CTXND1: variants seen among roughly 807,000 people sequenced by gnomAD.
CTXND1 encodes cortexin domain-containing 1 protein.
intron 1 of CTXND1, among the ~76,000 whole-genome samples, chr15:80,226,726 G>A (rs1893376072): frequency 6.6e-6 from 1 of 152,186 alleles, no homozygotes; most frequent in Non-Finnish European, 1.5e-5. Flanking sequence ...ATCAACCTTT[G>A]ACATGAGAGT....
At chr15:80,231,890 G>C (rs1409055561) in intron 1 of CTXND1, among the ~76,000 whole-genome samples, 1 of 152,140 alleles carries the variant, frequency 6.6e-6, no homozygotes, top group South Asian at 2.1e-4. Context: ...TTCCATTCAC[G>C]GTATTGTTTA....
In CTXND1 at chr15:80,236,554, G is replaced by A. The variant is rs138641942; in HGVS notation, c.-218+15453C>T. 1.7e-3 allele frequency among the ~76,000 whole-genome samples: 254 copies of A among 151,728 alleles called. 1 individual carries two copies. The highest frequency in any genetic ancestry group is 0.01 in the Middle Eastern group (3 of 292). On this transcript the variant is annotated intron_variant, in intron 1 of 2. Transcript: ENST00000560778. Reference sequence around the variant, plus strand: ...TCCCAGCACTTTGGGAGGCTGAGGCGGGTGGATCACCTGAGGTCAGGAGAT... The same window carrying A: ...TCCCAGCACTTTGGGAGGCTGAGGCAGGTGGATCACCTGAGGTCAGGAGAT...
rs967840697 is a variant in CTXND1, at chr15:80,197,611, G to A, written c.*4159C>T. 1 of 152,268 alleles carries A rather than the reference G, an allele frequency of 6.6e-6. No homozygotes were observed. The highest frequency in any genetic ancestry group is 1.5e-5 in the Non-Finnish European group (1 of 68,076). 9.4% of individuals were successfully genotyped at this position (152,268 alleles called of 1,614,324 possible). A position where few individuals can be genotyped will look rare whatever the true frequency, so the allele number is the denominator to read the frequency against. On this transcript the variant is annotated 3_prime_UTR_variant, in exon 3 of 3. Coordinates refer to ENST00000560778, the MANE Select transcript of CTXND1 (RefSeq NM_001352888.2). Reference sequence around the variant, plus strand: ...GTGTCCCTCTGGACACAGGCAACCTGTCTTTGTGCTATGATTGGACAGAAT... The same window carrying A: ...GTGTCCCTCTGGACACAGGCAACCTATCTTTGTGCTATGATTGGACAGAAT...
rs1352629648 is a variant in CTXND1, at chr15:80,229,751, T to G, written c.-218+22256A>C. ...AAAGCTGAAAAAGCCATTCTTTCTT[T>G]TTGCAGTCCTGGTATAGCGTGCTTT... On this transcript the variant is annotated intron_variant, in intron 1 of 2. Transcript: ENST00000560778. 1.3e-5 allele frequency among the ~76,000 whole-genome samples: 2 copies of G among 152,226 alleles called. 1 individual carries two copies. Among genetic ancestry groups the G allele is most frequent in the East Asian group, 3.8e-4 (2 of 5,200 alleles).
chr15:80,228,867 A>G (rs1408830439), intron 1 of CTXND1, among the ~76,000 whole-genome samples: 2 of 151,994 alleles, frequency 1.3e-5, no homozygotes, highest in Non-Finnish European at 2.9e-5. Context: ...TGACCTCGTG[A>G]TCCACCTGCC....
chr15:80,243,073 T>C (rs1893588923), intron 1 of CTXND1, among the ~76,000 whole-genome samples: 2 of 152,140 alleles, frequency 1.3e-5, no homozygotes, highest in Admixed American at 1.3e-4. Flanking sequence ...TTGAACTACC[T>C]CCTCTTCATT....
At chr15:80,236,593 G>A (rs574776208) in intron 1 of CTXND1, among the ~76,000 whole-genome samples, 2 of 152,106 alleles carry the variant, frequency 1.3e-5, no homozygotes, top group Admixed American at 6.5e-5. Flanking sequence ...GACCAGCCTG[G>A]GCAACATGGT....
chr15:80,245,070 G>A (rs539256310), intron 1 of CTXND1, among the ~76,000 whole-genome samples: 1 of 152,130 alleles, frequency 6.6e-6, no homozygotes, highest in African/African-American at 2.4e-5. Flanking sequence ...TCACAGAGTC[G>A]GTGTGAGGAT....
At chr15:80,249,797 C>T (rs1487124393) in intron 1 of CTXND1, among the ~76,000 whole-genome samples, 2 of 152,200 alleles carry the variant, frequency 1.3e-5, no homozygotes, top group Non-Finnish European at 2.9e-5. Flanking sequence ...TTGTAGAAAG[C>T]ATGTAATGTG....
chr15:80,237,253 T>C (rs533621904), intron 1 of CTXND1, among the ~76,000 whole-genome samples: 23 of 147,526 alleles, frequency 1.6e-4, no homozygotes, highest in African/African-American at 5.5e-4. Flanking sequence ...GAGAATGTCC[T>C]GAACCTGGGA....
intron 1 of CTXND1, among the ~76,000 whole-genome samples, chr15:80,231,740 G>A (rs544235270): frequency 6.6e-6 from 1 of 152,218 alleles, no homozygotes; most frequent in Admixed American, 6.5e-5. Flanking sequence ...TAGGCTGAAA[G>A]TCACATACCC....
intron 1 of CTXND1, among the ~76,000 whole-genome samples, chr15:80,204,145 T>TTAA: frequency 1.5e-3 from 1 of 680 alleles, no homozygotes; most frequent in African/African-American, 2.3e-3. Flanking sequence ...AGACTGTGTC[T>TTAA]CAAAAAAAAA....
chr15:80,225,321 A>G (rs8041926), intron 1 of CTXND1, among the ~76,000 whole-genome samples: 2 of 151,626 alleles, frequency 1.3e-5, no homozygotes, highest in Admixed American at 6.6e-5. Context: ...AGAGATTTTT[A>G]ATGTGTGTGT....
At chr15:80,212,752 C>T (rs1053822112) in intron 1 of CTXND1, among the ~76,000 whole-genome samples, 9 of 152,094 alleles carry the variant, frequency 5.9e-5, no homozygotes, top group African/African-American at 2.2e-4. Flanking sequence ...GAAACACTGC[C>T]AGCTTGGATT....
chr15:80,211,884 A>G (rs1317300625), intron 1 of CTXND1, among the ~76,000 whole-genome samples: 1 of 152,220 alleles, frequency 6.6e-6, no homozygotes, highest in African/African-American at 2.4e-5. Flanking sequence ...ACCATTTGGT[A>G]TGCACAGCAC....
At chr15:80,221,753 A>G (rs1893322165) in intron 1 of CTXND1, among the ~76,000 whole-genome samples, 1 of 152,090 alleles carries the variant, frequency 6.6e-6, no homozygotes, top group Admixed American at 6.5e-5. Context: ...TTAGGGCTTT[A>G]TATATTTCTT....
intron 1 of CTXND1, among the ~76,000 whole-genome samples, chr15:80,228,937 A>C (rs529916711): frequency 1.6e-5 from 1 of 64,314 alleles, no homozygotes; most frequent in East Asian, 1.0e-3. Context: ...TCAAAATCTG[A>C]AACTTTTTTG....
At chr15:80,250,240 A>T (rs978877864) in intron 1 of CTXND1, among the ~76,000 whole-genome samples, 16 of 152,198 alleles carry the variant, frequency 1.1e-4, no homozygotes, top group African/African-American at 3.6e-4. Context: ...TGCCTCTTTC[A>T]TTAACCCTGT....
At chr15:80,225,474 T>A (rs555274976) in intron 1 of CTXND1, among the ~76,000 whole-genome samples, 16 of 152,216 alleles carry the variant, frequency 1.1e-4, no homozygotes, top group Non-Finnish European at 2.2e-4. Flanking sequence ...GGTTTTATTA[T>A]ACAAATATAC....
Sources: gnomAD v4.1 joint callset for allele counts (sites outside exome capture counted in the v4.1 genomes callset) on GRCh38, gnomAD v4.1.1 for gene constraint, MANE v1.5 for transcripts, NCBI Gene and HGNC (gene_info 2026-07-23, HGNC 2026-07-21) for gene names.